The following ARFGEF3 variants were observed in gnomAD, a reference collection of about 807,000 sequenced individuals.
The protein encoded by ARFGEF3 is ARFGEF family member 3.
ARFGEF3 carries 96 observed loss-of-function variants against 221.7 expected under a neutral mutation model. The observed-to-expected ratio is 0.43, with a 90% CI of 0.37 to 0.51. ARFGEF3 has a LOEUF of 0.51. ARFGEF3 is among the 20% of genes least tolerant of loss of function. The pLI, the probability that ARFGEF3 is intolerant of heterozygous loss-of-function variation, is 0.00. For synonymous variants in ARFGEF3, 1,145 were observed against 1,126.8 expected, an observed-to-expected ratio of 1.02 and a Z score of -0.32; for missense variants, 2,410 against 2,789.9, an observed-to-expected ratio of 0.86 and a Z score of 3.07.
intron 2 of ARFGEF3, among the ~76,000 whole-genome samples, chr6:138,200,408 T>C (rs112543957): frequency 6.6e-6 from 1 of 152,310 alleles, no homozygotes; most frequent in African/African-American, 2.4e-5. Context: ...GGCATCACAC[T>C]ACCTGATTTC....
intron 2 of ARFGEF3, among the ~76,000 whole-genome samples, chr6:138,204,379 ATCC>A (rs1467884614): frequency 6.7e-6 from 1 of 148,858 alleles, no homozygotes; most frequent in African/African-American, 2.5e-5. Context: ...TGATTTGCCT[ATCC>A]CATGCTGAAG....
In ARFGEF3 at chr6:138,334,581, G is replaced by T. The variant is rs1455326651; in HGVS notation, c.5735G>T (p.Cys1912Phe). The T allele has an allele frequency of 6.2e-7, 1 of 1,613,668 alleles. No homozygotes were observed. Among genetic ancestry groups the T allele is most frequent in the East Asian group, 2.2e-5 (1 of 44,862 alleles). The change falls in exon 33 of 34, where the codon TGC becomes TTC. Residue 1912 changes from cysteine to phenylalanine, a missense_variant. Transcript: ENST00000251691. The surrounding 1 kb of genome is among the most constrained non-coding windows in gnomAD (Gnocchi z 5.1). ...CTGCACAAGCTGTGCATGGAACTGT[G>T]CAACAACTACATCCAGATGCACTTG... ...KRLHKLCMEL[C>F]NNYIQMHLDL... is the part of the protein sequence containing the mutation.
chr6:138,313,346 A>G (rs797005114), intron 25 of ARFGEF3, among the ~76,000 whole-genome samples: 4 of 152,110 alleles, frequency 2.6e-5, no homozygotes, highest in African/African-American at 9.6e-5. Context: ...CATTTCTCCA[A>G]CTGCTCTTGC....
intron 2 of ARFGEF3, among the ~76,000 whole-genome samples, chr6:138,181,434 T>A (rs1156502894): frequency 6.6e-6 from 1 of 152,136 alleles, no homozygotes; most frequent in East Asian, 1.9e-4. Context: ...GCTTCTTCAT[T>A]CCTTTTTGTT....
At chr6:138,220,914 A>C (rs1015320128) in intron 4 of ARFGEF3, among the ~76,000 whole-genome samples, 3 of 152,240 alleles carry the variant, frequency 2.0e-5, no homozygotes, top group African/African-American at 4.8e-5. Context: ...TAGTAAAGCA[A>C]GTTCATATTC....
At chr6:138,303,872 A>AAAAT (rs1779670014) in intron 22 of ARFGEF3, among the ~76,000 whole-genome samples, 1 of 149,400 alleles carries the variant, frequency 6.7e-6, no homozygotes, top group Admixed American at 6.7e-5. Flanking sequence ...AAAAAAAAAA[A>AAAAT]AAAAAAAAAA....
At chr6:138,281,354 G>A (rs1779193040) in intron 14 of ARFGEF3, among the ~76,000 whole-genome samples, 1 of 152,198 alleles carries the variant, frequency 6.6e-6, no homozygotes, top group South Asian at 2.1e-4. Context: ...AGGGGTACAT[G>A]TGCAGGTTTG....
At chr6:138,323,611 GA>G in intron 29 of ARFGEF3, 59 bp from the exon 30 acceptor site, 4 of 1,533,374 alleles carry the variant, frequency 2.6e-6, no homozygotes, top group Non-Finnish European at 3.6e-6. Flanking sequence ...AACTCCATCT[GA>G]AAAAAACAAA....
intron 32 of ARFGEF3, among the ~76,000 whole-genome samples, chr6:138,333,023 A>C (rs1055542990): frequency 3.3e-5 from 5 of 152,262 alleles, no homozygotes; most frequent in African/African-American, 4.8e-5. Context: ...TCATGGCTAG[A>C]ACTTTGAAAT....
At chr6:138,215,600 C>A (rs1428574405) in intron 4 of ARFGEF3, among the ~76,000 whole-genome samples, 1 of 152,196 alleles carries the variant, frequency 6.6e-6, no homozygotes, top group South Asian at 2.1e-4. Context: ...GGTTACCTTG[C>A]CTGCCAAGTC....
chr6:138,293,556 G>A (rs933842445), intron 19 of ARFGEF3, among the ~76,000 whole-genome samples: 2 of 152,168 alleles, frequency 1.3e-5, no homozygotes, highest in Admixed American at 1.3e-4. Flanking sequence ...AGCTGTTTTT[G>A]TATCTTTTCC....
chr6:138,335,207 A>G lies in ARFGEF3; in HGVS notation c.6342+19A>G. On this transcript the variant is annotated intron_variant, in intron 33 of 33. Coordinates refer to ENST00000251691, the MANE Select transcript of ARFGEF3 (RefSeq NM_020340.5). ...GATCCAGGTACATCCCTGTGGCCAC[A>G]GCAGGTGGGCGGGAGGCTGGGTTTC... 4.6e-6 allele frequency: 7 copies of G among 1,507,218 alleles called. No homozygotes were observed. The highest frequency in any genetic ancestry group is 6.2e-6 in the Non-Finnish European group (7 of 1,137,892). The allele number at this position is 1,507,218 out of a possible 1,614,324, so 93.4% of individuals were successfully genotyped here.
chr6:138,235,428 C>T lies in ARFGEF3; in HGVS notation c.421-3081C>T, dbSNP rs76863442. Among the ~76,000 whole-genome samples, 1,112 of 152,238 alleles carry T rather than the reference C, an allele frequency of 7.3e-3. 6 individuals are homozygous for T. The highest frequency in any genetic ancestry group is 0.011 in the Non-Finnish European group (759 of 68,022). On this transcript the variant is annotated intron_variant, in intron 5 of 33. Coordinates refer to ENST00000251691, the MANE Select transcript of ARFGEF3 (RefSeq NM_020340.5). Reference sequence around the variant, plus strand: ...GGCAGAGGTGCAGGACTTAGGCTTTCCCAGTGTTGATTCTGCATAATGAAA... The same window carrying T: ...GGCAGAGGTGCAGGACTTAGGCTTTTCCAGTGTTGATTCTGCATAATGAAA...
At position 138,263,225 on chromosome 6, in the gene ARFGEF3, A is replaced by G. The variant is rs1778825255; in HGVS notation, c.1742A>G (p.Asp581Gly). The change falls in exon 12 of 34, where the codon GAC becomes GGC. Residue 581 changes from aspartate to glycine, a missense_variant. This residue lies in a region of ARFGEF3 where 594 missense variants were observed against 734.3 expected (regional missense o/e 0.81). Coordinates refer to ENST00000251691, the MANE Select transcript of ARFGEF3 (RefSeq NM_020340.5). ...GACATAACTAACTTCCTGTCAGTAG[A>G]CTGCAGGACAAGGTCCTATGGATCT... Reference protein sequence around the residue: ...YPDITNFLSVDCRTRSYGSRY... With the variant: ...YPDITNFLSVGCRTRSYGSRY... 4.3e-6 allele frequency: 7 copies of G among 1,613,912 alleles called. No homozygotes were observed. The highest frequency in any genetic ancestry group is 4.2e-6 in the Non-Finnish European group (5 of 1,179,896).
chr6:138,280,138 G>T lies in ARFGEF3; in HGVS notation c.2435G>T (p.Ser812Ile). ...TATTGGGGCAGCCCAGAAGATAACA[G>T]CCTTCCCCTCATCACAATGCTGACC... is the stretch of plus-strand genomic sequence containing the variant. ...AGYWGSPEDN[S>I]LPLITMLTDI... Residue 812 changes from serine (S) to isoleucine (I), a missense_variant, in exon 14 of 34, where the codon AGC becomes ATC. Ser to Ile is a moderately radical substitution (Grantham distance 142). Coordinates refer to ENST00000251691, the MANE Select transcript of ARFGEF3 (RefSeq NM_020340.5). 1 of 1,613,820 alleles carries T rather than the reference G, an allele frequency of 6.2e-7. No individual in the cohort carries two copies. The highest frequency in any genetic ancestry group is 8.5e-7 in the Non-Finnish European group (1 of 1,179,746).
chr6:138,309,441 A>G (rs1779786908), intron 24 of ARFGEF3, among the ~76,000 whole-genome samples: 1 of 152,240 alleles, frequency 6.6e-6, no homozygotes, highest in Non-Finnish European at 1.5e-5. Context: ...AATATATTTT[A>G]TAATTAATTA....
intron 22 of ARFGEF3, among the ~76,000 whole-genome samples, chr6:138,299,766 A>G (rs1779596697): frequency 6.6e-6 from 1 of 152,252 alleles, no homozygotes; most frequent in East Asian, 1.9e-4. Context: ...CTGGTGTTCA[A>G]TCAGGCCAAG....
intron 5 of ARFGEF3, among the ~76,000 whole-genome samples, chr6:138,232,841 A>C (rs117974208): frequency 6.6e-6 from 1 of 152,134 alleles, no homozygotes; most frequent in Non-Finnish European, 1.5e-5. Context: ...AAGCAAAGTG[A>C]AGTTTGCTTG....
intron 29 of ARFGEF3, among the ~76,000 whole-genome samples, chr6:138,322,191 G>A (rs1483318743): frequency 6.6e-6 from 1 of 152,186 alleles, no homozygotes; most frequent in Non-Finnish European, 1.5e-5. Flanking sequence ...TACTTTGCCT[G>A]CCTGACTGTT....
Sources: gnomAD v4.1 joint callset for allele counts (sites outside exome capture counted in the v4.1 genomes callset) on GRCh38, gnomAD v4.1.1 for gene constraint, gnomAD v4.1.1 regional missense constraint, Gnocchi (gnomAD v3.1) non-coding constraint, MANE v1.5 for transcripts, NCBI Gene and HGNC (gene_info 2026-07-23, HGNC 2026-07-21) for gene names.